CCDC73: variants seen among roughly 807,000 people sequenced by gnomAD.
CCDC73 encodes the protein coiled-coil domain containing 73, also known as coiled-coil domain-containing protein 73.
A neutral mutation model predicts 116.5 loss-of-function variants in CCDC73; 95 were observed. The ratio of observed to expected loss-of-function variants is 0.82; its 90% CI spans 0.69 to 0.97. The LOEUF is 0.97. Ranked by LOEUF, CCDC73 falls within the 50% of genes least tolerant of loss-of-function variation. CCDC73 has a pLI of 0.00. For synonymous variants in CCDC73, 398 were observed against 401.3 expected, an observed-to-expected ratio of 0.99 and a Z score of 0.10; for missense variants, 1,066 against 1,206.8, an observed-to-expected ratio of 0.88 and a Z score of 1.73.
chr11:32,623,035 G>A (rs1458731479), intron 14 of CCDC73, among the ~76,000 whole-genome samples: 1 of 151,960 alleles, frequency 6.6e-6, no homozygotes, highest in East Asian at 1.9e-4. Flanking sequence ...TTGAGATGGA[G>A]TTTCGCTCTT....
chr11:32,692,049 C>CAAAAAA (rs1173539877), intron 6 of CCDC73, among the ~76,000 whole-genome samples: 2 of 60,750 alleles, frequency 3.3e-5, no homozygotes, highest in Admixed American at 2.0e-4. Flanking sequence ...CTCCGTCTCA[C>CAAAAAA]AAAAAAAAAA....
the CCDC73 span, chr11:32,830,487 A>ATTTT: frequency 7.1e-7 from 1 of 1,406,784 alleles, no homozygotes; most frequent in Non-Finnish European, 9.4e-7. Context: ...TTTTTTTAAT[A>ATTTT]TTTTTTTTTG....
chr11:32,762,295 T>C (rs1393766796), intron 1 of CCDC73, among the ~76,000 whole-genome samples: 1 of 152,062 alleles, frequency 6.6e-6, no homozygotes, highest in Non-Finnish European at 1.5e-5. Flanking sequence ...GAAAAGATAA[T>C]AAAAAATTAT....
At chr11:32,742,457 T>C (rs1247069996) in intron 2 of CCDC73, among the ~76,000 whole-genome samples, 6 of 152,274 alleles carry the variant, frequency 3.9e-5, no homozygotes, top group Non-Finnish European at 8.8e-5. Context: ...ATGTCTTCTT[T>C]TGAGAAGTGT....
intron 13 of CCDC73, among the ~76,000 whole-genome samples, chr11:32,639,745 G>A (rs769547490): frequency 3.3e-5 from 5 of 151,996 alleles, no homozygotes; most frequent in Non-Finnish European, 7.4e-5. Context: ...CACCACACCC[G>A]GCCAAATTGA....
chr11:32,784,389 A>C (rs1158835791), intron 1 of CCDC73, among the ~76,000 whole-genome samples: 3 of 152,188 alleles, frequency 2.0e-5, no homozygotes, highest in Non-Finnish European at 4.4e-5. Context: ...AAGGAAAAAT[A>C]ATCACAGAAT....
intron 1 of CCDC73, among the ~76,000 whole-genome samples, chr11:32,774,036 G>C (rs1301889836): frequency 6.6e-6 from 1 of 152,020 alleles, no homozygotes; most frequent in Non-Finnish European, 1.5e-5. Context: ...TAGAAAGTAA[G>C]GATTCCACAG....
chr11:32,749,411 A>G (rs1286457758), intron 2 of CCDC73, among the ~76,000 whole-genome samples: 1 of 152,054 alleles, frequency 6.6e-6, no homozygotes, highest in African/African-American at 2.4e-5. Flanking sequence ...TTTATTTGGC[A>G]GAATTCTAAA....
chr11:32,785,481 A>G (rs1850619879), intron 1 of CCDC73, among the ~76,000 whole-genome samples: 1 of 152,102 alleles, frequency 6.6e-6, no homozygotes, highest in African/African-American at 2.4e-5. Flanking sequence ...AGCTCACTGA[A>G]GCCTTGACCT....
chr11:32,814,721 T>G, the CCDC73 span, among the ~76,000 whole-genome samples: 1 of 152,094 alleles, frequency 6.6e-6, no homozygotes, highest in African/African-American at 2.4e-5. Flanking sequence ...CATAAAAACT[T>G]GTAACAAATG....
In CCDC73 at chr11:32,785,399, ATTTTTTGTTTTTG is replaced by A. The variant is rs1850619319; in HGVS notation, c.-16+9201_-16+9213del. On this transcript the variant is annotated intron_variant, in intron 1 of 17. Coordinates refer to ENST00000335185, the MANE Select transcript of CCDC73 (RefSeq NM_001008391.4). The stretch of plus-strand genomic sequence containing the variant: ...TGAGAAATGCACCAGTTTTTCTTTT[ATTTTTTGTTTTTG>A]TTTTTTTGACACAGGATCTCACTCT... Among the ~76,000 whole-genome samples the A allele has an allele frequency of 5.9e-5, 9 of 151,852 alleles. No individual in the cohort carries two copies. The South Asian group carries it at 1.9e-3, about 32-fold the overall frequency.
chr11:32,743,845 A>G (rs1352531023), intron 2 of CCDC73, among the ~76,000 whole-genome samples: 1 of 152,198 alleles, frequency 6.6e-6, no homozygotes, highest in Non-Finnish European at 1.5e-5. Context: ...CAATCATGTC[A>G]TCTGCAAACA....
intron 7 of CCDC73, chr11:32,682,894 G>A (rs1180857261): frequency 2.0e-5 from 3 of 153,254 alleles, no homozygotes; most frequent in Admixed American, 6.5e-5. Flanking sequence ...ACACTGATAA[G>A]GGATAAATAT....
At chr11:32,636,555 G>T (rs1008534713) in intron 13 of CCDC73, among the ~76,000 whole-genome samples, 2 of 151,810 alleles carry the variant, frequency 1.3e-5, no homozygotes, top group Non-Finnish European at 2.9e-5. Context: ...GTATATTTGT[G>T]GTTTTATAAA....
intron 1 of CCDC73, 106 bp from the exon 2 acceptor site, chr11:32,760,364 T>A: frequency 1.6e-6 from 1 of 638,942 alleles, no homozygotes; most frequent in South Asian, 2.2e-5. Flanking sequence ...ATCCTCCAAT[T>A]TCAGCACTGA....
chr11:32,824,284 T>C, the CCDC73 span, among the ~76,000 whole-genome samples: 1 of 152,206 alleles, frequency 6.6e-6, no homozygotes, highest in Non-Finnish European at 1.5e-5. Flanking sequence ...TTATAAAATA[T>C]ATAATTTGTG....
intron 3 of CCDC73, among the ~76,000 whole-genome samples, chr11:32,709,909 A>G (rs1034706781): frequency 6.6e-6 from 1 of 152,198 alleles, no homozygotes; most frequent in East Asian, 1.9e-4. Context: ...CAGAGTTTCT[A>G]TATCTTCCTG....
chr11:32,690,372 A>G (rs1856244450), intron 6 of CCDC73, among the ~76,000 whole-genome samples: 1 of 152,152 alleles, frequency 6.6e-6, no homozygotes. Flanking sequence ...GAGATATACC[A>G]TATACTCCCT....
intron 14 of CCDC73, among the ~76,000 whole-genome samples, chr11:32,619,884 G>A (rs1289306011): frequency 6.3e-5 from 9 of 142,670 alleles, no homozygotes; most frequent in African/African-American, 2.3e-4. Flanking sequence ...GGAGGGGGAG[G>A]GGAAGGGAGG....
Sources: allele counts gnomAD v4.1 joint callset (sites outside exome capture counted in the v4.1 genomes callset), GRCh38; gene constraint gnomAD v4.1.1; transcripts MANE v1.5; gene names NCBI Gene and HGNC (gene_info 2026-07-23, HGNC 2026-07-21).